The following ZFHX3 variants were observed in gnomAD, a reference collection of about 807,000 sequenced individuals.
The protein encoded by ZFHX3 is zinc finger homeobox protein 3.
In ZFHX3, 42 loss-of-function variants were observed where a neutral mutation model predicts 279.1. The ratio of observed to expected loss-of-function variants is 0.15; its 90% CI spans 0.12 to 0.19. The LOEUF is 0.19. Among genes scored for constraint, ZFHX3 ranks in the 10% least tolerant of loss-of-function variants. The pLI, the probability that ZFHX3 is intolerant of heterozygous loss-of-function variation, is 1.00. For missense variants in ZFHX3, 4,981 were observed against 4,754.0 expected, an observed-to-expected ratio of 1.05 and a Z score of -1.40; for synonymous variants, 2,293 against 1,957.8, an observed-to-expected ratio of 1.17 and a Z score of -4.52.
intron 1 of ZFHX3, among the ~76,000 whole-genome samples, chr16:73,038,063 T>C (rs1009274907): frequency 3.2e-4 from 48 of 152,208 alleles, no homozygotes; most frequent in Admixed American, 2.2e-3. Flanking sequence ...CCATTTAGAC[T>C]TTCCAAAACA....
At chr16:73,325,916 C>CACACACAA (rs1555510191) in intron 3 of ZFHX3, among the ~76,000 whole-genome samples, 36 of 132,782 alleles carry the variant, frequency 2.7e-4, no homozygotes, top group African/African-American at 8.6e-4. Flanking sequence ...CACACACACA[C>CACACACAA]ACACACACAC....
chr16:73,312,515 G>A (rs1443947037), intron 4 of ZFHX3, among the ~76,000 whole-genome samples: 1 of 152,184 alleles, frequency 6.6e-6, no homozygotes, highest in Non-Finnish European at 1.5e-5. Flanking sequence ...GAGGACAGTG[G>A]GCTGGGAAAA....
intron 1 of ZFHX3, among the ~76,000 whole-genome samples, chr16:73,055,692 GCGCGCGCACA>G (rs766905135): frequency 4.2e-5 from 4 of 95,132 alleles, no homozygotes; most frequent in Non-Finnish European, 7.0e-5. Context: ...GCGCGCGCGC[GCGCGCGCACA>G]CACACACACA....
chr16:73,324,508 C>A (rs779815707), intron 3 of ZFHX3, among the ~76,000 whole-genome samples: 5 of 152,142 alleles, frequency 3.3e-5, no homozygotes, highest in Admixed American at 6.5e-5. Flanking sequence ...TTTCACAAAG[C>A]AAACTAAGTA....
rs369364773 is a variant in ZFHX3, at chr16:73,639,292, A to AT, written c.-1547+40887dup. 4.0e-5 allele frequency among the ~76,000 whole-genome samples: 6 copies of AT among 151,858 alleles called. 1 individual carries two copies. Among genetic ancestry groups the AT allele is most frequent in the South Asian group, 2.1e-4 (1 of 4,822 alleles). On this transcript the variant is annotated intron_variant, in intron 2 of 17. Coordinates refer to the ZFHX3 transcript ENST00000641206. ...CTGCTCAGATATATTGCACTGGAGT[A>AT]TTTTTTTTCCTTCTTGCTTTTATTC...
At chr16:73,457,632 G>A (rs189735391) in intron 2 of ZFHX3, among the ~76,000 whole-genome samples, 1 of 152,234 alleles carries the variant, frequency 6.6e-6, no homozygotes, top group Admixed American at 6.5e-5. Flanking sequence ...AATTAACCTG[G>A]CGTAGTGGCG....
In ZFHX3 at chr16:73,480,701, A is replaced by G. The variant is rs150315089; in HGVS notation, c.-1546-24443T>C. Among the ~76,000 whole-genome samples the G allele has an allele frequency of 5.2e-3, 794 of 152,276 alleles. 4 individuals carry two copies. The highest frequency in any genetic ancestry group is 0.024 in the Middle Eastern group (7 of 294). On this transcript the variant is annotated intron_variant, in intron 2 of 17. Transcript: ENST00000641206. The stretch of plus-strand genomic sequence containing the variant: ...TGGAGTGAAGAGGTGTCTTTCTCCA[A>G]TCTTACAGGGACCCCTAAGCTTCAT...
rs114919893 is a variant in ZFHX3, at chr16:73,291,242, G to A, written c.-1194+26998C>T. On this transcript the variant is annotated intron_variant, in intron 4 of 17. Coordinates refer to the ZFHX3 transcript ENST00000641206. Reference sequence around the variant, plus strand: ...GCTCTGTATATGTTCACCTAGACACGGGCCTTCCCCATCTTCATCCCCACT... The same window carrying A: ...GCTCTGTATATGTTCACCTAGACACAGGCCTTCCCCATCTTCATCCCCACT... Among the ~76,000 whole-genome samples the A allele has an allele frequency of 5.2e-3, 785 of 152,228 alleles. 9 individuals are homozygous for A. The highest frequency in any genetic ancestry group is 0.018 in the African/African-American group (742 of 41,536).
intron 3 of ZFHX3, among the ~76,000 whole-genome samples, chr16:73,422,309 C>T (rs1282173963): frequency 6.6e-6 from 1 of 151,784 alleles, no homozygotes; most frequent in Non-Finnish European, 1.5e-5. Flanking sequence ...ATATCCTAAA[C>T]ATCCTGACAA....
intron 5 of ZFHX3, among the ~76,000 whole-genome samples, chr16:73,220,607 C>T (rs2012381571): frequency 6.6e-6 from 1 of 152,172 alleles, no homozygotes; most frequent in Non-Finnish European, 1.5e-5. Flanking sequence ...CGTAGAATCC[C>T]TTCATGCTGC....
chr16:73,172,994 TTG>T (rs1567409562), intron 5 of ZFHX3, among the ~76,000 whole-genome samples: 11 of 53,498 alleles, frequency 2.1e-4, no homozygotes, highest in Non-Finnish European at 2.8e-4. Context: ...GACTGTTTTT[TTG>T]TTTTTTTTTT....
intron 3 of ZFHX3, among the ~76,000 whole-genome samples, chr16:73,449,728 T>C (rs1399715110): frequency 2.0e-5 from 3 of 152,106 alleles, no homozygotes; most frequent in African/African-American, 4.8e-5. Context: ...GGGAAGGAAA[T>C]TGAGTAGCTG....
intron 5 of ZFHX3, among the ~76,000 whole-genome samples, chr16:73,204,137 T>C (rs1567417626): frequency 1.3e-5 from 2 of 152,000 alleles, no homozygotes; most frequent in Non-Finnish European, 2.9e-5. Context: ...GTCCCCAACT[T>C]TTTTGGCATC....
chr16:72,826,658 A>G (rs2036937876), intron 5 of ZFHX3, among the ~76,000 whole-genome samples: 1 of 152,224 alleles, frequency 6.6e-6, no homozygotes, highest in Non-Finnish European at 1.5e-5. Context: ...GGATCAAAAG[A>G]GGATCATTTG....
chr16:73,491,498 A>C (rs559250503), intron 2 of ZFHX3, among the ~76,000 whole-genome samples: 1 of 152,246 alleles, frequency 6.6e-6, no homozygotes, highest in Non-Finnish European at 1.5e-5. Flanking sequence ...AACTGTAGGC[A>C]TGTGACTTGT....
intron 2 of ZFHX3, among the ~76,000 whole-genome samples, chr16:73,509,196 C>A (rs1324996188): frequency 2.0e-5 from 3 of 152,130 alleles, no homozygotes; most frequent in Admixed American, 1.3e-4. Flanking sequence ...TTGGCTTTGA[C>A]AATTACGTTC....
intron 1 of ZFHX3, among the ~76,000 whole-genome samples, chr16:73,735,287 T>C (rs1018186214): frequency 2.7e-5 from 4 of 150,808 alleles, no homozygotes; most frequent in Admixed American, 1.3e-4. Context: ...GAGTCAACTA[T>C]AAGGTTTGAT....
chr16:73,112,004 A>C (rs954522708), intron 7 of ZFHX3, among the ~76,000 whole-genome samples: 1 of 151,822 alleles, frequency 6.6e-6, no homozygotes, highest in Non-Finnish European at 1.5e-5. Flanking sequence ...GGGACTGGAG[A>C]ACAGGTTTGC....
intron 1 of ZFHX3, among the ~76,000 whole-genome samples, chr16:73,729,320 A>T (rs2053548638): frequency 6.6e-6 from 1 of 152,228 alleles, no homozygotes; most frequent in South Asian, 2.1e-4. Flanking sequence ...TGAGGTAAGG[A>T]GTTCGAGACC....
Sources: gnomAD v4.1 joint callset for allele counts (sites outside exome capture counted in the v4.1 genomes callset) on GRCh38, gnomAD v4.1.1 for gene constraint, MANE v1.5 for transcripts, NCBI Gene and HGNC (gene_info 2026-07-23, HGNC 2026-07-21) for gene names.